The following RBFOX1 variants were observed in gnomAD, a reference collection of about 807,000 sequenced individuals.
The protein encoded by RBFOX1 is RNA binding protein fox-1 homolog 1.
A neutral mutation model predicts 57.7 loss-of-function variants in RBFOX1; 8 were observed. The observed-to-expected ratio is 0.14, with a 90% CI of 0.08 to 0.25. RBFOX1 has a LOEUF of 0.25. RBFOX1 is among the 10% of genes least tolerant of loss of function. The pLI, the probability that RBFOX1 is intolerant of heterozygous loss-of-function variation, is 1.00. For missense variants in RBFOX1, 611 were observed against 548.5 expected, an observed-to-expected ratio of 1.11 and a Z score of -1.14; for synonymous variants, 326 against 222.4, an observed-to-expected ratio of 1.47 and a Z score of -4.15.
intron 3 of RBFOX1, among the ~76,000 whole-genome samples, chr16:6,801,387 T>G (rs767493302): frequency 5.2e-4 from 79 of 152,172 alleles, no homozygotes; most frequent in Admixed American, 1.3e-4. Flanking sequence ...TCTATCTTTA[T>G]ACTAGTTCCT....
intron 3 of RBFOX1, among the ~76,000 whole-genome samples, chr16:6,985,631 C>T (rs2090065579): frequency 6.6e-6 from 1 of 152,146 alleles, no homozygotes; most frequent in African/African-American, 2.4e-5. Context: ...AGTTAGAGAA[C>T]AGTCTGACCA....
chr16:7,192,414 A>C (rs373619537), intron 4 of RBFOX1, among the ~76,000 whole-genome samples: 5 of 152,322 alleles, frequency 3.3e-5, no homozygotes, highest in African/African-American at 1.2e-4. Context: ...TTTAGACTCA[A>C]ATGCCTATAG....
chr16:6,521,039 A>G (rs1029045493), intron 2 of RBFOX1, among the ~76,000 whole-genome samples: 1 of 152,156 alleles, frequency 6.6e-6, no homozygotes, highest in Non-Finnish European at 1.5e-5. Flanking sequence ...CCTTTTTACA[A>G]TGTTTAGATC....
chr16:5,873,048 G>A (rs894288167), intron 4 of RBFOX1, among the ~76,000 whole-genome samples: 8 of 152,122 alleles, frequency 5.3e-5, no homozygotes, highest in Non-Finnish European at 1.2e-4. Context: ...CTACTTGGGA[G>A]GCTGAGCAAG....
At chr16:5,465,535 A>T (rs2068925803) in intron 1 of RBFOX1, among the ~76,000 whole-genome samples, 1 of 152,158 alleles carries the variant, frequency 6.6e-6, no homozygotes. Flanking sequence ...TGTATCCAGC[A>T]TCTACTCTGT....
At chr16:7,128,249 G>T (rs1372843909) in intron 4 of RBFOX1, among the ~76,000 whole-genome samples, 1 of 152,172 alleles carries the variant, frequency 6.6e-6, no homozygotes, top group African/African-American at 2.4e-5. Flanking sequence ...TTTTGTATAT[G>T]AACTCTGTTA....
intron 4 of RBFOX1, among the ~76,000 whole-genome samples, chr16:7,422,278 C>T (rs1598061684): frequency 6.6e-6 from 1 of 152,146 alleles, no homozygotes; most frequent in East Asian, 1.9e-4. Context: ...GATTTCCTTT[C>T]ATATCATGTA....
chr16:6,057,679 A>G (rs565119058), intron 1 of RBFOX1, among the ~76,000 whole-genome samples: 87 of 152,224 alleles, frequency 5.7e-4, no homozygotes, highest in Non-Finnish European at 1.1e-3. Context: ...GGGAGAGATG[A>G]GAGTTTAGAA....
chr16:6,268,956 A>G (rs747883129), intron 1 of RBFOX1, among the ~76,000 whole-genome samples: 4 of 152,334 alleles, frequency 2.6e-5, no homozygotes, highest in Non-Finnish European at 4.4e-5. Context: ...GTGTTTGCAT[A>G]TAACCTAAAA....
At chr16:6,017,518 GA>G (rs938069967), upstream of RBFOX1, among the ~76,000 whole-genome samples, 25 of 150,808 alleles carry the variant, frequency 1.7e-4, no homozygotes, top group South Asian at 6.3e-4. Context: ...CTAGTATAAA[GA>G]AAAAAAAATT....
chr16:6,317,180 G>T (rs1163785993), intron 2 of RBFOX1, 123 bp downstream of exon 2: 6 of 898,310 alleles, frequency 6.7e-6, no homozygotes, highest in East Asian at 5.3e-5. Flanking sequence ...GCCTGCCTAT[G>T]TCTTTCTCTT....
intron 2 of RBFOX1, among the ~76,000 whole-genome samples, chr16:5,498,023 C>G (rs75183705): frequency 6.6e-6 from 1 of 152,100 alleles, no homozygotes; most frequent in East Asian, 1.9e-4. Context: ...CTGTCATTTT[C>G]AAGGAAGAGA....
At chr16:5,293,719 G>C (rs766656745) in intron 1 of RBFOX1, among the ~76,000 whole-genome samples, 5 of 151,012 alleles carry the variant, frequency 3.3e-5, no homozygotes, top group Non-Finnish European at 5.9e-5. Flanking sequence ...TATAGAGGCA[G>C]AAAGCAGGTG....
chr16:6,327,243 T>G (rs1275849242), intron 2 of RBFOX1, among the ~76,000 whole-genome samples: 1 of 152,180 alleles, frequency 6.6e-6, no homozygotes, highest in Non-Finnish European at 1.5e-5. Context: ...TGTTGCTCTC[T>G]CATTCCCTGC....
Position 6,428,730 on chromosome 16 carries a change from A to G in RBFOX1, c.-64+111673A>G, listed in dbSNP as rs181807928. On this transcript the variant is annotated intron_variant, in intron 2 of 15. Coordinates refer to ENST00000550418, the MANE Select transcript of RBFOX1 (RefSeq NM_018723.4). ...AGAATATTCACTGGGCTACGTAAAC[A>G]AAATATACATGCTCATCTATATAGT... is the stretch of plus-strand genomic sequence containing the variant. Among the ~76,000 whole-genome samples, 4 of 152,370 alleles carry G rather than the reference A, an allele frequency of 2.6e-5. No individual in the cohort carries two copies. In the East Asian group the frequency reaches 7.7e-4, roughly 29 times the overall value.
intron 3 of RBFOX1, among the ~76,000 whole-genome samples, chr16:6,865,132 A>T (rs2059699397): frequency 6.6e-6 from 1 of 151,010 alleles, no homozygotes; most frequent in African/African-American, 2.4e-5. Context: ...CCTCCCAAGT[A>T]GCTGGGATTA....
intron 2 of RBFOX1, among the ~76,000 whole-genome samples, chr16:5,481,571 C>T (rs980357191): frequency 1.3e-5 from 2 of 152,172 alleles, no homozygotes; most frequent in Admixed American, 6.5e-5. Flanking sequence ...CTACATGATG[C>T]ATAGATGCTT....
chr16:5,745,075 C>T (rs933402214), intron 3 of RBFOX1, among the ~76,000 whole-genome samples: 4 of 152,168 alleles, frequency 2.6e-5, no homozygotes, highest in African/African-American at 9.7e-5. Flanking sequence ...GTATATCTCC[C>T]AGTGCTATCC....
intron 1 of RBFOX1, among the ~76,000 whole-genome samples, chr16:6,290,873 T>G (rs554039946): frequency 2.6e-5 from 4 of 152,088 alleles, no homozygotes; most frequent in Non-Finnish European, 5.9e-5. Flanking sequence ...GAATTCAGGG[T>G]GAGTCTATAA....
Sources: gnomAD v4.1 joint callset for allele counts (sites outside exome capture counted in the v4.1 genomes callset) on GRCh38, gnomAD v4.1.1 for gene constraint, MANE v1.5 for transcripts, NCBI Gene and HGNC (gene_info 2026-07-23, HGNC 2026-07-21) for gene names.